TMEM229B: variants seen among roughly 807,000 people sequenced by gnomAD.
The protein encoded by TMEM229B is chromosome 14 open reading frame 83.
Under a neutral mutation model 13.7 loss-of-function variants are expected in TMEM229B, and 6 were observed. That is an observed-to-expected ratio of 0.44 (90% CI 0.24 to 0.86). The LOEUF (loss-of-function observed/expected upper bound fraction) is 0.86. Among genes scored for constraint, TMEM229B ranks in the 40% least tolerant of loss-of-function variants. TMEM229B has a pLI of 0.23. For missense variants in TMEM229B, 170 were observed against 236.0 expected, an observed-to-expected ratio of 0.72 and a Z score of 1.83; for synonymous variants, 107 against 102.1, an observed-to-expected ratio of 1.05 and a Z score of -0.29.
At chr14:67,487,509 C>A (rs148033396) in intron 1 of TMEM229B, among the ~76,000 whole-genome samples, 183 of 152,326 alleles carry the variant, frequency 1.2e-3, no homozygotes, top group African/African-American at 4.3e-3. Flanking sequence ...TACATTCTCA[C>A]CTTCACCCTG....
chr14:67,479,906 G>A (rs1368839496), intron 2 of TMEM229B, among the ~76,000 whole-genome samples: 2 of 152,074 alleles, frequency 1.3e-5, no homozygotes, highest in Non-Finnish European at 2.9e-5. Flanking sequence ...TCTCAATATG[G>A]CCAGCTGGTT....
Position 67,471,016 on chromosome 14 carries a change from A to T in TMEM229B, c.*2404T>A, listed in dbSNP as rs991364412. ...TCCCTGGTGAGATCTGAACCTGTAG[A>T]TCCCGTGGTCAGGCCATGGGTTGTT... On this transcript the variant is annotated 3_prime_UTR_variant, in exon 3 of 3. Transcript: ENST00000554480. 6.6e-6 allele frequency: 1 copy of T among 152,190 alleles called. No homozygotes were observed. The highest frequency in any genetic ancestry group is 1.5e-5 in the Non-Finnish European group (1 of 68,030). The allele number at this position is 152,190 out of a possible 1,614,324, so 9.4% of individuals were successfully genotyped here.
chr14:67,476,992 G>C lies in TMEM229B; in HGVS notation c.-18-3051C>G, dbSNP rs562255419. On this transcript the variant is annotated intron_variant, in intron 2 of 2. Coordinates refer to ENST00000554480, the MANE Select transcript of TMEM229B (RefSeq NM_001348543.2). ...AATACAAAAAAACAATGGATGGGTA[G>C]GTATTAATGTGACCAGGCCTGCTTC... Among the ~76,000 whole-genome samples, 144 of 152,144 alleles carry C rather than the reference G, an allele frequency of 9.5e-4. 1 individual carries two copies. Among genetic ancestry groups the C allele is most frequent in the Non-Finnish European group, 1.8e-3 (119 of 67,990 alleles).
chr14:67,502,736 G>A (rs1170455168), intron 1 of TMEM229B, among the ~76,000 whole-genome samples: 1 of 152,000 alleles, frequency 6.6e-6, no homozygotes, highest in Non-Finnish European at 1.5e-5. Context: ...ATAGGCGTGA[G>A]CCACCGCGCC....
intron 1 of TMEM229B, among the ~76,000 whole-genome samples, chr14:67,511,361 AC>A (rs1222252471): frequency 5.9e-5 from 9 of 151,454 alleles, no homozygotes; most frequent in South Asian, 2.1e-4. Flanking sequence ...AAACAAAAAA[AC>A]AAAAAAAACT....
chr14:67,514,951 GC>G (rs1441787142), intron 1 of TMEM229B: 2 of 147,506 alleles, frequency 1.4e-5, no homozygotes, highest in Non-Finnish European at 1.5e-5. Context: ...ATCTGCTACA[GC>G]CCCAAGTCCG....
chr14:67,490,381 A>G (rs2032119041), upstream of TMEM229B, among the ~76,000 whole-genome samples: 2 of 152,216 alleles, frequency 1.3e-5, no homozygotes, highest in Admixed American at 6.5e-5. Flanking sequence ...ACATCACGCA[A>G]GGAAGACTGG....
chr14:67,498,747 C>G (rs2032489872), intron 1 of TMEM229B, among the ~76,000 whole-genome samples: 1 of 151,674 alleles, frequency 6.6e-6, no homozygotes, highest in African/African-American at 2.4e-5. Context: ...CTCACCGCAG[C>G]CTCCATCTCC....
intron 2 of TMEM229B, among the ~76,000 whole-genome samples, chr14:67,481,571 G>A (rs1219432668): frequency 2.6e-5 from 4 of 152,220 alleles, no homozygotes; most frequent in African/African-American, 9.7e-5. Context: ...AGCTCCCAGT[G>A]TGGTGGGGAA....
chr14:67,529,183 C>A (rs570961641), intron 1 of TMEM229B, among the ~76,000 whole-genome samples: 1 of 152,270 alleles, frequency 6.6e-6, no homozygotes, highest in East Asian at 1.9e-4. Context: ...AATTCTGATT[C>A]CTGATTTACA....
At chr14:67,510,981 C>T (rs569725213) in intron 1 of TMEM229B, among the ~76,000 whole-genome samples, 29 of 152,290 alleles carry the variant, frequency 1.9e-4, no homozygotes, top group Non-Finnish European at 3.5e-4. Flanking sequence ...CCTCAGAAGT[C>T]TAGAAAAGAA....
chr14:67,491,924 T>C (rs72719188), upstream of TMEM229B, among the ~76,000 whole-genome samples: 11,358 of 152,212 alleles, frequency 0.075, 489 homozygotes, highest in East Asian at 0.16. Context: ...GGAAGGTGCA[T>C]GGAGATGGGA....
At chr14:67,522,204 A>G (rs950200941) in intron 1 of TMEM229B, among the ~76,000 whole-genome samples, 1 of 152,080 alleles carries the variant, frequency 6.6e-6, no homozygotes, top group Non-Finnish European at 1.5e-5. Context: ...AAAAGGAAAG[A>G]AAGTTGGGGA....
chr14:67,479,575 G>A (rs1431193015), intron 2 of TMEM229B, among the ~76,000 whole-genome samples: 3 of 151,764 alleles, frequency 2.0e-5, no homozygotes, highest in East Asian at 1.9e-4. Context: ...AAAATTAGCC[G>A]GGCATGGTGG....
chr14:67,498,553 A>G (rs2032481569), intron 1 of TMEM229B, among the ~76,000 whole-genome samples: 1 of 152,242 alleles, frequency 6.6e-6, no homozygotes, highest in Admixed American at 6.5e-5. Context: ...CATTTCAGAT[A>G]ATGTGCCCTA....
intron 1 of TMEM229B, among the ~76,000 whole-genome samples, chr14:67,507,922 T>C (rs1017080278): frequency 6.6e-6 from 1 of 152,138 alleles, no homozygotes; most frequent in Non-Finnish European, 1.5e-5. Context: ...GCAGTTCACC[T>C]GAGGTTGGGA....
intron 1 of TMEM229B, among the ~76,000 whole-genome samples, chr14:67,508,240 C>G (rs1001916043): frequency 6.6e-6 from 1 of 152,026 alleles, no homozygotes; most frequent in African/African-American, 2.4e-5. Context: ...CTTCTTTCTC[C>G]TTCAACACCA....
At chr14:67,505,710 C>CTTT (rs535005334) in intron 1 of TMEM229B, among the ~76,000 whole-genome samples, 1 of 141,468 alleles carries the variant, frequency 7.1e-6, no homozygotes, top group Admixed American at 7.1e-5. Context: ...ATAATTTGCT[C>CTTT]TTTTTTTTTT....
intron 1 of TMEM229B, among the ~76,000 whole-genome samples, chr14:67,531,601 T>C (rs1171620654): frequency 2.0e-5 from 3 of 151,930 alleles, no homozygotes; most frequent in Admixed American, 2.0e-4. Flanking sequence ...CTCTTTTCAC[T>C]ATATAACAAA....
Sources: allele counts gnomAD v4.1 joint callset (sites outside exome capture counted in the v4.1 genomes callset), GRCh38; gene constraint gnomAD v4.1.1; transcripts MANE v1.5; gene names NCBI Gene and HGNC (gene_info 2026-07-23, HGNC 2026-07-21).